The following TBC1D32 variants were observed in gnomAD, a reference collection of about 807,000 sequenced individuals.
TBC1D32 encodes protein broad-minded.
A neutral mutation model predicts 170.3 loss-of-function variants in TBC1D32; 151 were observed. The ratio of observed to expected loss-of-function variants is 0.89; its 90% confidence interval spans 0.78 to 1.01. The LOEUF (loss-of-function observed/expected upper bound fraction) is 1.01. Ranked by LOEUF, TBC1D32 falls within the 50% of genes least tolerant of loss-of-function variation. The pLI is 0.00. For synonymous variants in TBC1D32, 498 were observed against 488.0 expected, an observed-to-expected ratio of 1.02 and a Z score of -0.27; for missense variants, 1,464 against 1,457.1, an observed-to-expected ratio of 1.00 and a Z score of -0.08.
intron 21 of TBC1D32, among the ~76,000 whole-genome samples, chr6:121,214,136 C>G (rs1334640521): frequency 6.6e-6 from 1 of 152,118 alleles, no homozygotes; most frequent in Non-Finnish European, 1.5e-5. Context: ...AAAATTAGCT[C>G]AAGATGGATT....
At chr6:121,302,682 T>C (rs948903334) in intron 9 of TBC1D32, among the ~76,000 whole-genome samples, 1 of 152,146 alleles carries the variant, frequency 6.6e-6, no homozygotes, top group African/African-American at 2.4e-5. Context: ...TTTTGCATAT[T>C]TTCTCAAATA....
At chr6:121,235,717 C>T (rs1248788120) in intron 20 of TBC1D32, among the ~76,000 whole-genome samples, 1 of 152,198 alleles carries the variant, frequency 6.6e-6, no homozygotes, top group Non-Finnish European at 1.5e-5. Context: ...TTTTCCACAT[C>T]TCAGTGAGCC....
intron 1 of TBC1D32, among the ~76,000 whole-genome samples, chr6:121,325,232 C>T (rs930553960): frequency 6.7e-6 from 1 of 150,158 alleles, no homozygotes; most frequent in South Asian, 2.1e-4. Flanking sequence ...AAAAAAAGCT[C>T]TTTGTTCTCT....
intron 24 of TBC1D32, among the ~76,000 whole-genome samples, chr6:121,141,993 T>A (rs192881210): frequency 1.4e-3 from 207 of 152,366 alleles, no homozygotes; most frequent in African/African-American, 4.8e-3. Flanking sequence ...AAAACCGACT[T>A]TTGATCATTC....
intron 24 of TBC1D32, among the ~76,000 whole-genome samples, 193 bp from the exon 25 acceptor site, chr6:121,131,945 G>T (rs1299972639): frequency 6.6e-6 from 1 of 151,896 alleles, no homozygotes. Context: ...TGACAACAAT[G>T]AATTACTGAA....
intron 1 of TBC1D32, among the ~76,000 whole-genome samples, chr6:121,322,165 A>G (rs1809826868): frequency 6.6e-6 from 1 of 152,206 alleles, no homozygotes; most frequent in Non-Finnish European, 1.5e-5. Context: ...AAAATCATCT[A>G]GAATACAGTA....
At chr6:121,308,200 G>A in intron 4 of TBC1D32, 99 bp from the exon 5 acceptor site, 2 of 1,168,962 alleles carry the variant, frequency 1.7e-6, no homozygotes, top group South Asian at 2.9e-5. Flanking sequence ...GTAAAGTCTG[G>A]ATAATTTATA....
At chr6:121,189,142 A>G (rs1045452002) in intron 22 of TBC1D32, among the ~76,000 whole-genome samples, 4 of 152,190 alleles carry the variant, frequency 2.6e-5, no homozygotes, top group African/African-American at 9.6e-5. Context: ...AAAGAAGTTT[A>G]TCTTGTTTAC....
At chr6:121,094,481 A>C (rs566963656) in intron 30 of TBC1D32, among the ~76,000 whole-genome samples, 4 of 152,228 alleles carry the variant, frequency 2.6e-5, no homozygotes, top group Admixed American at 2.0e-4. Context: ...CTGTATTTTT[A>C]TAAAGTTCTG....
At chr6:121,277,263 G>A (rs1347590624) in intron 15 of TBC1D32, among the ~76,000 whole-genome samples, 1 of 152,066 alleles carries the variant, frequency 6.6e-6, no homozygotes, top group African/African-American at 2.4e-5. Flanking sequence ...CAAGGCAGGT[G>A]AATCACTTGA....
At chr6:121,147,723 C>G (rs911014837) in intron 24 of TBC1D32, among the ~76,000 whole-genome samples, 1 of 152,004 alleles carries the variant, frequency 6.6e-6, no homozygotes, top group Non-Finnish European at 1.5e-5. Flanking sequence ...TCCTGAGTAG[C>G]TGGGACTACA....
chr6:121,321,854 A>T lies in TBC1D32; in HGVS notation c.156-60T>A, dbSNP rs559155124. Reference sequence around the variant, plus strand: ...TATCATAAGCATATTCAGAAAAAAAAATCAACACAGAAAGGTAACATATTA... The same window carrying T: ...TATCATAAGCATATTCAGAAAAAAATATCAACACAGAAAGGTAACATATTA... On this transcript the variant is annotated intron_variant, in intron 1 of 31. Transcript: ENST00000398212. The T allele has an allele frequency of 5.3e-5, 75 of 1,423,782 alleles. No individual in the cohort carries two copies. In the African/African-American group the frequency reaches 9.6e-4, roughly 18 times the overall value. 88.2% of individuals were successfully genotyped at this position (1,423,782 alleles called of 1,614,324 possible). A position where few individuals can be genotyped will look rare whatever the true frequency, so the allele number is the denominator to read the frequency against.
chr6:121,334,479 G>GCCGCGCACTGCGC lies in TBC1D32; in HGVS notation c.-50_-49insGCGCAGTGCGCGG. 6.4e-7 allele frequency: 1 copy of GCCGCGCACTGCGC among 1,562,390 alleles called. No individual in the cohort carries two copies. The highest frequency in any genetic ancestry group is 8.7e-7 in the Non-Finnish European group (1 of 1,151,398). On this transcript the variant is annotated 5_prime_UTR_variant, in exon 1 of 32. Transcript: ENST00000398212. ...CTCATTACTCCAGGTCCGAGCAAAA[G>GCCGCGCACTGCGC]CCGCGCACTGCGCACGCGCACGCGC... is the stretch of plus-strand genomic sequence containing the variant.
intron 28 of TBC1D32, 110 bp from the exon 29 acceptor site, chr6:121,112,769 T>C: frequency 1.0e-6 from 1 of 995,750 alleles, no homozygotes; most frequent in Non-Finnish European, 1.4e-6. Flanking sequence ...ATTCTTATTC[T>C]GAATTTATGA....
chr6:121,098,403 T>C (rs1286370698), intron 30 of TBC1D32, among the ~76,000 whole-genome samples: 1 of 151,912 alleles, frequency 6.6e-6, no homozygotes, highest in Non-Finnish European at 1.5e-5. Flanking sequence ...GAAAACTAAC[T>C]TTGGAATAAA....
At chr6:121,161,101 ATG>A in intron 22 of TBC1D32, 45 bp from the exon 23 acceptor site, 2 of 1,407,740 alleles carry the variant, frequency 1.4e-6, no homozygotes, top group Non-Finnish European at 2.0e-6. Flanking sequence ...TTGATTGAAT[ATG>A]TGTTAATTTT....
intron 30 of TBC1D32, among the ~76,000 whole-genome samples, chr6:121,095,105 T>C (rs962451810): frequency 6.6e-6 from 1 of 152,212 alleles, no homozygotes; most frequent in Non-Finnish European, 1.5e-5. Context: ...CAAATGAATT[T>C]TGTTTTATGG....
chr6:121,272,186 C>T (rs1801543036), intron 15 of TBC1D32, among the ~76,000 whole-genome samples: 1 of 152,128 alleles, frequency 6.6e-6, no homozygotes, highest in Admixed American at 6.6e-5. Flanking sequence ...CCATTCAGGA[C>T]ATAGACATGG....
At position 121,262,478 on chromosome 6, in the gene TBC1D32, A is replaced by AT. The variant is rs1799884668; in HGVS notation, c.1734-6194_1734-6193insA. ...AAGAGAATAGAGGCCAATATTAAAT[A>AT]CTTTTTTTTTTTTTTTGAGACAGAG... On this transcript the variant is annotated intron_variant, in intron 15 of 31. Coordinates refer to ENST00000398212, the MANE Select transcript of TBC1D32 (RefSeq NM_152730.6). Among the ~76,000 whole-genome samples the AT allele has an allele frequency of 3.5e-5, 5 of 142,434 alleles. No individual in the cohort carries two copies. In the South Asian group the frequency reaches 1.1e-3, roughly 31 times the overall value. The allele number at this position is 142,434 out of a possible 152,430, so 93.4% of individuals were successfully genotyped here. A position where few individuals can be genotyped will look rare whatever the true frequency, so the allele number is the denominator to read the frequency against.
Sources: gnomAD v4.1 joint callset for allele counts (sites outside exome capture counted in the v4.1 genomes callset) on GRCh38, gnomAD v4.1.1 for gene constraint, MANE v1.5 for transcripts, NCBI Gene and HGNC (gene_info 2026-07-23, HGNC 2026-07-21) for gene names.